Variants in PDE4D observed in about 807,000 individuals in gnomAD.
PDE4D encodes the protein 3',5'-cyclic-AMP phosphodiesterase 4D.
PDE4D carries 24 observed loss-of-function variants against 87.4 expected under a neutral mutation model. That is an observed-to-expected ratio of 0.27 (90% CI 0.20 to 0.39). PDE4D has a LOEUF of 0.39. PDE4D is among the 10% of genes least tolerant of loss of function. PDE4D has a pLI of 1.00. For missense variants in PDE4D, 714 were observed against 1,041.0 expected (o/e 0.69, Z 4.32); for synonymous variants, 384 against 383.2 (o/e 1.00, Z -0.02).
intron 6 of PDE4D, among the ~76,000 whole-genome samples, chr5:59,023,362 G>A (rs1205132187): frequency 6.6e-6 from 1 of 151,916 alleles, no homozygotes; most frequent in East Asian, 1.9e-4. Context: ...AATATTCTGA[G>A]GCTGGGTGCA....
chr5:60,281,565 A>C lies in PDE4D; in HGVS notation c.-89-95878T>G, dbSNP rs1192799224. Among the ~76,000 whole-genome samples, 4 of 152,316 alleles carry C rather than the reference A, an allele frequency of 2.6e-5. No homozygotes were observed. In the East Asian group the frequency reaches 7.7e-4, roughly 29 times the overall value. On this transcript the variant is annotated intron_variant, in intron 1 of 16. Coordinates refer to the PDE4D transcript ENST00000502484. ...CAAAGAATTATTCTAAATGATAATAAATTTATGAAAGGAACAAGAATTTAT... is the reference window on the plus strand; with the variant it reads ...CAAAGAATTATTCTAAATGATAATACATTTATGAAAGGAACAAGAATTTAT...
intron 5 of PDE4D, among the ~76,000 whole-genome samples, chr5:59,072,195 C>A (rs1242485210): frequency 6.6e-6 from 1 of 152,088 alleles, no homozygotes; most frequent in East Asian, 1.9e-4. Context: ...TTCAGAAATA[C>A]CTTGCACCAT....
At chr5:59,058,834 C>T (rs534076190) in intron 5 of PDE4D, among the ~76,000 whole-genome samples, 11 of 152,252 alleles carry the variant, frequency 7.2e-5, no homozygotes, top group Non-Finnish European at 1.2e-4. Flanking sequence ...GTCTCTTTTG[C>T]ACATCAGAAA....
chr5:59,180,346 T>G, intron 5 of PDE4D: 1 of 668,272 alleles, frequency 1.5e-6, no homozygotes, highest in Non-Finnish European at 2.8e-6. Context: ...AATGCTCAAA[T>G]GAGTATAAGC....
rs189241208 is a variant in PDE4D at position 59,443,304 on chromosome 5, G to C, written c.456-227336C>G. Among the ~76,000 whole-genome samples the C allele has an allele frequency of 1.8e-3, 278 of 152,250 alleles. 2 individuals are homozygous for C. The highest frequency in any genetic ancestry group is 6.5e-3 in the African/African-American group (272 of 41,548). ...TGCGTAGTTTCTAGAATATGAATTT[G>C]ACAATCTGATCATTTTTCTTATGAA... On this transcript the variant is annotated intron_variant, in intron 1 of 14. Coordinates refer to ENST00000340635, the MANE Select transcript of PDE4D (RefSeq NM_001104631.2).
intron 1 of PDE4D, among the ~76,000 whole-genome samples, chr5:59,467,427 A>C (rs1464488998): frequency 6.6e-6 from 1 of 152,208 alleles, no homozygotes; most frequent in Non-Finnish European, 1.5e-5. Context: ...TAAGACTAGT[A>C]AATGGGAGAG....
intron 1 of PDE4D, among the ~76,000 whole-genome samples, chr5:59,602,604 A>C (rs564741554): frequency 8.5e-5 from 13 of 152,190 alleles, no homozygotes; most frequent in African/African-American, 3.1e-4. Context: ...CATATCTGAA[A>C]CAATCTACAA....
At position 59,447,957 on chromosome 5, in the gene PDE4D, A is replaced by G. The variant is rs146409134; in HGVS notation, c.456-231989T>C. ...GTTCCAGAACAAAACGAACATATCAATATCATCCAGCCAAGAACAAGTAAT... is the reference window on the plus strand; with the variant it reads ...GTTCCAGAACAAAACGAACATATCAGTATCATCCAGCCAAGAACAAGTAAT... On this transcript the variant is annotated intron_variant, in intron 1 of 14. Transcript: ENST00000340635. Among the ~76,000 whole-genome samples the G allele has an allele frequency of 1.5e-3, 230 of 152,340 alleles. 1 individual carries two copies. Among genetic ancestry groups the G allele is most frequent in the African/African-American group, 5.4e-3 (224 of 41,580 alleles).
At position 58,974,748 on chromosome 5, in the gene PDE4D, T is replaced by C. The variant is rs1424131684; in HGVS notation, c.2346A>G (p.Glu782=). The C allele has an allele frequency of 7.4e-6, 12 of 1,613,546 alleles. No individual in the cohort carries two copies. The highest frequency in any genetic ancestry group is 1.3e-5 in the African/African-American group (1 of 74,898). ...DSESTEIPLD[E]QVEEEAVGEE... is the part of the protein sequence containing the mutation. ...CCCCTACTGCCTCCTCTTCAACCTG[T>C]TCATCAAGGGGAATTTCAGTAGACT... is the stretch of plus-strand genomic sequence containing the variant. The change falls in exon 15 of 15, where the codon GAA becomes GAG. Residue 782 remains glutamate (E), a synonymous_variant. Coordinates refer to ENST00000340635, the MANE Select transcript of PDE4D (RefSeq NM_001104631.2).
intron 1 of PDE4D, among the ~76,000 whole-genome samples, chr5:60,353,762 TTAATA>T (rs1433700182): frequency 6.6e-6 from 1 of 152,188 alleles, no homozygotes; most frequent in Non-Finnish European, 1.5e-5. Flanking sequence ...ATGTGTCATA[TTAATA>T]TATTAATAAG....
chr5:59,927,566 T>C (rs1755428977), intron 3 of PDE4D, among the ~76,000 whole-genome samples: 1 of 152,180 alleles, frequency 6.6e-6, no homozygotes, highest in African/African-American at 2.4e-5. Context: ...TAACAAGAAA[T>C]CTTGGAACTT....
intron 3 of PDE4D, among the ~76,000 whole-genome samples, chr5:59,938,765 G>A (rs754394583): frequency 7.2e-5 from 11 of 152,090 alleles, no homozygotes; most frequent in Non-Finnish European, 2.9e-5. Flanking sequence ...TTTCAGCCTC[G>A]TTCAATTATT....
At chr5:60,065,291 G>T (rs764762900) in intron 2 of PDE4D, among the ~76,000 whole-genome samples, 1 of 145,888 alleles carries the variant, frequency 6.9e-6, no homozygotes, top group Non-Finnish European at 1.5e-5. Context: ...GTGTGTGTGT[G>T]TGTTTGTGCA....
chr5:60,430,378 T>A, intron 1 of PDE4D: 1 of 406,726 alleles, frequency 2.5e-6, no homozygotes, highest in Non-Finnish European at 4.8e-6. Context: ...TTCCTCCCTC[T>A]ACTCCAGCCC....
intron 1 of PDE4D, among the ~76,000 whole-genome samples, chr5:59,413,318 C>T (rs527396725): frequency 6.6e-6 from 1 of 151,712 alleles, no homozygotes; most frequent in Non-Finnish European, 1.5e-5. Flanking sequence ...ATTAGCCGGG[C>T]GTAGTGGTGG....
At position 59,604,250 on chromosome 5, in the gene PDE4D, G is replaced by A. The variant is rs188638343; in HGVS notation, c.455+288918C>T. 5.3e-4 allele frequency among the ~76,000 whole-genome samples: 80 copies of A among 151,726 alleles called. No individual in the cohort carries two copies. The South Asian group carries it at 7.1e-3, about 13-fold the overall frequency. On this transcript the variant is annotated intron_variant, in intron 1 of 14. Coordinates refer to ENST00000340635, the MANE Select transcript of PDE4D (RefSeq NM_001104631.2). The stretch of plus-strand genomic sequence containing the variant: ...ACCTTAACCAAATCTTAATTTTTTC[G>A]TCTGGAAAACAATGATACATATCTC...
At chr5:59,401,383 T>C (rs1790589453) in intron 1 of PDE4D, among the ~76,000 whole-genome samples, 1 of 152,052 alleles carries the variant, frequency 6.6e-6, no homozygotes, top group South Asian at 2.1e-4. Context: ...TGACCTATGG[T>C]CATGCCACTG....
chr5:60,337,406 C>CACACAT (rs1757906950), intron 1 of PDE4D, among the ~76,000 whole-genome samples: 1 of 138,194 alleles, frequency 7.2e-6, no homozygotes, highest in Non-Finnish European at 1.6e-5. Context: ...CACACACACA[C>CACACAT]ATATATCAAT....
chr5:59,583,264 G>A (rs1004415204), intron 1 of PDE4D, among the ~76,000 whole-genome samples: 1 of 152,172 alleles, frequency 6.6e-6, no homozygotes, highest in African/African-American at 2.4e-5. Flanking sequence ...ACCCTGGCAT[G>A]TGATTCCAGG....
Sources: gnomAD v4.1 joint callset for allele counts (sites outside exome capture counted in the v4.1 genomes callset) on GRCh38, gnomAD v4.1.1 for gene constraint, MANE v1.5 for transcripts, NCBI Gene and HGNC (gene_info 2026-07-23, HGNC 2026-07-21) for gene names.